Variants in ITGBL1 observed in about 807,000 individuals in gnomAD.
ITGBL1 encodes the protein integrin beta-like protein 1.
A neutral mutation model predicts 68.5 loss-of-function variants in ITGBL1; 51 were observed. The ratio of observed to expected loss-of-function variants is 0.74; its 90% CI spans 0.59 to 0.94. The LOEUF (loss-of-function observed/expected upper bound fraction) is 0.94, where lower values mean the gene tolerates loss of function less well. Ranked by LOEUF, ITGBL1 falls within the 40% of genes least tolerant of loss-of-function variation. ITGBL1 has a pLI of 0.00. For missense variants in ITGBL1, 649 were observed against 647.4 expected (o/e 1.00, Z -0.03); for synonymous variants, 209 against 227.3 (o/e 0.92, Z 0.72).
At chr13:101,466,530 C>G (rs978154048) in intron 2 of ITGBL1, among the ~76,000 whole-genome samples, 1 of 152,148 alleles carries the variant, frequency 6.6e-6, no homozygotes, top group East Asian at 1.9e-4. Context: ...CATGCTGACC[C>G]GCTTCCTCTT....
At chr13:101,498,633 T>C (rs2048892768) in intron 2 of ITGBL1, among the ~76,000 whole-genome samples, 1 of 152,186 alleles carries the variant, frequency 6.6e-6, no homozygotes, top group Admixed American at 6.6e-5. Flanking sequence ...TTAAAAAATA[T>C]ACAGATGACC....
At chr13:101,565,915 T>C (rs2050176934) in intron 2 of ITGBL1, among the ~76,000 whole-genome samples, 1 of 152,118 alleles carries the variant, frequency 6.6e-6, no homozygotes. Context: ...GTATACATTT[T>C]GTTTATTTTC....
At chr13:101,665,598 A>G (rs2033195286) in intron 7 of ITGBL1, among the ~76,000 whole-genome samples, 1 of 151,998 alleles carries the variant, frequency 6.6e-6, no homozygotes, top group South Asian at 2.1e-4. Context: ...TACTGTTTGT[A>G]TTTCTTTTTC....
intron 6 of ITGBL1, among the ~76,000 whole-genome samples, chr13:101,585,871 G>A (rs988171112): frequency 2.0e-5 from 3 of 152,114 alleles, no homozygotes; most frequent in African/African-American, 7.2e-5. Flanking sequence ...TTTCCTATGG[G>A]TATTCACTCT....
At chr13:101,460,946 G>A (rs2048309814) in intron 2 of ITGBL1, among the ~76,000 whole-genome samples, 1 of 152,108 alleles carries the variant, frequency 6.6e-6, no homozygotes, top group Non-Finnish European at 1.5e-5. Context: ...CAAGATTGGG[G>A]ATCACATTTC....
intron 7 of ITGBL1, among the ~76,000 whole-genome samples, chr13:101,628,613 T>TG (rs397814332): frequency 2.0e-5 from 3 of 150,156 alleles, no homozygotes; most frequent in African/African-American, 7.4e-5. Context: ...TTTTTTTTTT[T>TG]GTATTTTTAG....
intron 2 of ITGBL1, among the ~76,000 whole-genome samples, chr13:101,555,683 T>TG (rs1208987800): frequency 3.4e-4 from 20 of 58,968 alleles, no homozygotes; most frequent in Non-Finnish European, 4.3e-4. Context: ...ATTTAAGTGT[T>TG]TTGTGTGTGT....
intron 2 of ITGBL1, among the ~76,000 whole-genome samples, chr13:101,535,644 A>C (rs9554795): frequency 0.21 from 31,301 of 152,018 alleles, 3,790 homozygotes; most frequent in East Asian, 0.46. Flanking sequence ...CATATATCAG[A>C]ACTGAAAACA....
chr13:101,456,168 A>T (rs2048241409), intron 2 of ITGBL1, among the ~76,000 whole-genome samples: 1 of 152,170 alleles, frequency 6.6e-6, no homozygotes, highest in Admixed American at 6.5e-5. Context: ...TTATGCATGC[A>T]TTTCTGTAGA....
At chr13:101,575,784 G>A (rs144402787) in intron 4 of ITGBL1, among the ~76,000 whole-genome samples, 1 of 152,244 alleles carries the variant, frequency 6.6e-6, no homozygotes, top group African/African-American at 2.4e-5. Flanking sequence ...TATGGCAACA[G>A]GCCAACTGCA....
In ITGBL1 at chr13:101,604,845, AATATATAT is replaced by A. The variant is rs1555361671; in HGVS notation, c.1015+6582_1015+6589del. ...AGTTTGTCAGGGACCAGGTGAAGGC[AATATATAT>A]ATATATATATATATATATATATATA... On this transcript the variant is annotated intron_variant, in intron 7 of 10. Transcript: ENST00000376180. Among the ~76,000 whole-genome samples the A allele has an allele frequency of 2.5e-3, 72 of 29,368 alleles. 1 individual carries two copies. The highest frequency in any genetic ancestry group is 6.9e-3 in the African/African-American group (63 of 9,102). 19.3% of individuals were successfully genotyped at this position (29,368 alleles called of 152,430 possible).
chr13:101,574,982 T>G (rs566965511), intron 3 of ITGBL1, among the ~76,000 whole-genome samples: 1 of 152,280 alleles, frequency 6.6e-6, no homozygotes, highest in East Asian at 1.9e-4. Context: ...CACAAATATT[T>G]ATTATATAAA....
At chr13:101,526,478 A>G (rs1369943051) in intron 2 of ITGBL1, among the ~76,000 whole-genome samples, 1 of 152,102 alleles carries the variant, frequency 6.6e-6, no homozygotes, top group Non-Finnish European at 1.5e-5. Context: ...TGTGGCACAG[A>G]TACACCATAG....
chr13:101,694,442 G>C (rs1199653148), intron 8 of ITGBL1, among the ~76,000 whole-genome samples: 1 of 147,250 alleles, frequency 6.8e-6, no homozygotes, highest in Non-Finnish European at 1.5e-5. Context: ...TTTTCTTTTT[G>C]AGACAGAGTC....
At chr13:101,699,557 C>G (rs1187080816) in intron 8 of ITGBL1, among the ~76,000 whole-genome samples, 1 of 152,166 alleles carries the variant, frequency 6.6e-6, no homozygotes, top group Non-Finnish European at 1.5e-5. Flanking sequence ...TCACTCGACT[C>G]TCATACTTCT....
chr13:101,527,593 AATTTT>A (rs2049402041), intron 2 of ITGBL1, among the ~76,000 whole-genome samples: 1 of 135,690 alleles, frequency 7.4e-6, no homozygotes, highest in African/African-American at 2.8e-5. Flanking sequence ...TAATACATTT[AATTTT>A]AGAAGAAACT....
chr13:101,676,127 C>A (rs933165242), intron 7 of ITGBL1, among the ~76,000 whole-genome samples: 1 of 151,994 alleles, frequency 6.6e-6, no homozygotes, highest in Non-Finnish European at 1.5e-5. Context: ...ATTTTTTAAT[C>A]TCTTTCTATT....
At chr13:101,705,609 T>C (rs1272974539) in intron 8 of ITGBL1, among the ~76,000 whole-genome samples, 1 of 151,492 alleles carries the variant, frequency 6.6e-6, no homozygotes, top group African/African-American at 2.4e-5. Flanking sequence ...TTCCTATCAC[T>C]CCTAAAAAAA....
intron 7 of ITGBL1, among the ~76,000 whole-genome samples, chr13:101,652,467 T>C (rs540715778): frequency 1.5e-4 from 23 of 152,170 alleles, no homozygotes; most frequent in Non-Finnish European, 3.1e-4. Flanking sequence ...AAGGAATATT[T>C]AGTATAATGC....
Sources: allele counts gnomAD v4.1 joint callset (sites outside exome capture counted in the v4.1 genomes callset), GRCh38; gene constraint gnomAD v4.1.1; transcripts MANE v1.5; gene names NCBI Gene and HGNC (gene_info 2026-07-23, HGNC 2026-07-21).